EVC: variants seen among roughly 807,000 people sequenced by gnomAD.
EVC encodes the protein evC complex member EVC.
A neutral mutation model predicts 118.9 loss-of-function variants in EVC; 116 were observed. The observed-to-expected ratio is 0.98, with a 90% CI of 0.84 to 1.14. EVC has a LOEUF of 1.14. Ranked by LOEUF, EVC falls within the 50% of genes most tolerant of loss-of-function variation. The pLI is 0.00. For synonymous variants in EVC, 619 were observed against 534.7 expected (o/e 1.16, Z -2.18); for missense variants, 1,401 against 1,246.4 (o/e 1.12, Z -1.87).
At chr4:5,716,712 C>T (rs1308670172) in intron 1 of EVC, among the ~76,000 whole-genome samples, 1 of 152,220 alleles carries the variant, frequency 6.6e-6, no homozygotes, top group Non-Finnish European at 1.5e-5. Flanking sequence ...TACCTTCTTG[C>T]TTATCAAGTT....
chr4:5,723,434 C>T (rs2151875583), intron 2 of EVC, among the ~76,000 whole-genome samples: 1 of 152,230 alleles, frequency 6.6e-6, no homozygotes, highest in South Asian at 2.1e-4. Context: ...CGTGATCTGC[C>T]CGCCTTGGCC....
At chr4:5,781,697 G>C (rs1735622414) in intron 11 of EVC, among the ~76,000 whole-genome samples, 1 of 152,116 alleles carries the variant, frequency 6.6e-6, no homozygotes, top group South Asian at 2.1e-4. Context: ...AAATTAGCCA[G>C]GCATAGTGGC....
chr4:5,742,100 A>G lies in EVC; in HGVS notation c.801+286A>G, dbSNP rs982759458. Among the ~76,000 whole-genome samples the G allele has an allele frequency of 6.6e-6, 1 of 152,202 alleles. No homozygotes were observed. Among genetic ancestry groups the G allele is most frequent in the African/African-American group, 2.4e-5 (1 of 41,460 alleles). On this transcript the variant is annotated intron_variant, in intron 6 of 20. Transcript: ENST00000264956. The surrounding 1 kb of genome is among the most constrained non-coding windows in gnomAD (Gnocchi z 5.2). Reference sequence around the variant, plus strand: ...TCTGCACACATTTGGGATATTTTTAAAGACATAATTTGTTTATTGGTTATA... The same window carrying G: ...TCTGCACACATTTGGGATATTTTTAGAGACATAATTTGTTTATTGGTTATA...
At chr4:5,758,660 G>T (rs1210005241) in intron 11 of EVC, among the ~76,000 whole-genome samples, 1 of 152,122 alleles carries the variant, frequency 6.6e-6, no homozygotes, top group Non-Finnish European at 1.5e-5. Flanking sequence ...ACCTTGGCTG[G>T]TTACATAACC....
At chr4:5,805,724 G>A (rs1376042257) in intron 17 of EVC, among the ~76,000 whole-genome samples, 1 of 152,252 alleles carries the variant, frequency 6.6e-6, no homozygotes, top group Non-Finnish European at 1.5e-5. Flanking sequence ...TCCAAGAGAA[G>A]GAGCCTCAGC....
intron 11 of EVC, among the ~76,000 whole-genome samples, chr4:5,776,549 C>G (rs749912768): frequency 3.3e-5 from 5 of 152,140 alleles, no homozygotes; most frequent in Non-Finnish European, 7.3e-5. Flanking sequence ...TAAATTTCTT[C>G]CATCAGTTTG....
the EVC span, chr4:5,825,738 G>A: frequency 1.2e-5 from 17 of 1,475,346 alleles, no homozygotes; most frequent in South Asian, 6.3e-5. The surrounding 1 kb of genome is among the most constrained non-coding windows in gnomAD (Gnocchi z 4.4). Flanking sequence ...AGAGCCCTGC[G>A]GGCGAGAGAG....
chr4:5,766,400 A>T lies in EVC; in HGVS notation c.1563+10038A>T, dbSNP rs868005956. On this transcript the variant is annotated intron_variant, in intron 11 of 20. Transcript: ENST00000264956. ...ATGTGTCTTGGAGTTGCTCTTCTCG[A>T]GGAGTATCTTGGTGGCGTTCTCTGT... Among the ~76,000 whole-genome samples the T allele has an allele frequency of 1.9e-4, 26 of 133,684 alleles. No homozygotes were observed. In the East Asian group the frequency reaches 2.2e-3, roughly 11 times the overall value. The allele number at this position is 133,684 out of a possible 152,430, so 87.7% of individuals were successfully genotyped here.
chr4:5,794,317 A>G (rs1200043115), intron 13 of EVC, among the ~76,000 whole-genome samples: 3 of 131,910 alleles, frequency 2.3e-5, no homozygotes, highest in African/African-American at 8.8e-5. Flanking sequence ...TTATATATTT[A>G]TATATATTTA....
chr4:5,810,396 G>C lies in EVC; in HGVS notation c.2840G>C (p.Gly947Ala), dbSNP rs765277897. 2 of 1,613,864 alleles carry C rather than the reference G, an allele frequency of 1.2e-6. No individual in the cohort carries two copies. The highest frequency in any genetic ancestry group is 8.5e-7 in the Non-Finnish European group (1 of 1,179,978). Reference protein sequence around the residue: ...KPLPQERGDLGVPNNEDLASG... With the variant: ...KPLPQERGDLAVPNNEDLASG... ...CTGCCCCAGGAAAGAGGGGACCTGG[G>C]GGTGCCCAACAATGAGGACCTTGCC... The change falls in exon 20 of 21, where the codon GGG (glycine) becomes GCG (alanine). Residue 947 changes from glycine (G) to alanine (A), a missense_variant. Gly to Ala is a moderately conservative substitution (Grantham distance 60). Coordinates refer to ENST00000264956, the MANE Select transcript of EVC (RefSeq NM_153717.3).
At chr4:5,747,561 A>G (rs1274862163) in intron 7 of EVC, among the ~76,000 whole-genome samples, 3 of 152,232 alleles carry the variant, frequency 2.0e-5, no homozygotes, top group African/African-American at 7.2e-5. Flanking sequence ...CATTGTCCTT[A>G]GAGCTCTGAC....
Position 5,749,276 on chromosome 4 carries a change from GGAA to G in EVC, c.1098+980_1098+982del, listed in dbSNP as rs1373337814. Among the ~76,000 whole-genome samples the G allele has an allele frequency of 6.0e-5, 9 of 149,270 alleles. No homozygotes were observed. Among genetic ancestry groups the G allele is most frequent in the Admixed American group, 2.0e-4 (3 of 14,946 alleles). ...CCTTTTGGCTTCCCTGGGCCACATT[GGAA>G]GAAGAAGAATTGTCTTAGGCCACAC... On this transcript the variant is annotated intron_variant, in intron 8 of 20. Transcript: ENST00000264956. This position sits in a 1 kb window ranked among gnomAD's most constrained non-coding sequence, Gnocchi z 4.4.
intron 17 of EVC, among the ~76,000 whole-genome samples, chr4:5,807,649 G>T (rs1716137380): frequency 7.1e-6 from 1 of 140,840 alleles, no homozygotes; most frequent in African/African-American, 2.7e-5. Flanking sequence ...CCCTCTCTGA[G>T]AGTAACAGGC....
chr4:5,711,491 GCTCGGCCTCGGC>G lies in EVC; in HGVS notation c.120_131del (p.Gly41_Leu44del), dbSNP rs1164121689. 1 of 1,124,430 alleles carries G rather than the reference GCTCGGCCTCGGC, an allele frequency of 8.9e-7. No homozygotes were observed. Among genetic ancestry groups the G allele is most frequent in the Non-Finnish European group, 1.1e-6 (1 of 920,832 alleles). 69.7% of individuals were successfully genotyped at this position (1,124,430 alleles called of 1,614,324 possible). A position where few individuals can be genotyped will look rare whatever the true frequency, so the allele number is the denominator to read the frequency against. On this transcript the variant is annotated inframe_deletion, in exon 1 of 21. Transcript: ENST00000264956. ...CCCCCGCCGTGCTGCTGGGCGCCGC[GCTCGGCCTCGGC>G]CTCGGCCTTTGGCTTGGCTGCCGCG... is the stretch of plus-strand genomic sequence containing the variant.
In EVC at chr4:5,810,393, T is replaced by TG. The variant is rs1553896459; in HGVS notation, c.2842dup (p.Val948GlyfsTer5). ...CCCCTGCCCCAGGAAAGAGGGGACC[T>TG]GGGGGTGCCCAACAATGAGGACCTT... On this transcript the variant is annotated frameshift_variant, in exon 20 of 21. Transcript: ENST00000264956. LOFTEE classifies it high-confidence loss of function. 1.9e-6 allele frequency: 3 copies of TG among 1,613,796 alleles called. No homozygotes were observed. Among genetic ancestry groups the TG allele is most frequent in the Admixed American group, 3.3e-5 (2 of 59,982 alleles).
chr4:5,822,422 T>C, the EVC span, among the ~76,000 whole-genome samples: 1 of 151,348 alleles, frequency 6.6e-6, no homozygotes, highest in African/African-American at 2.4e-5. Flanking sequence ...TGCATGTGCA[T>C]ATGTGTGTGC....
Position 5,711,449 on chromosome 4 carries a change from G to A in EVC, c.69G>A (p.Pro23=), listed in dbSNP as rs1722996127. ...RLLLGRDALR[P]APALLAPAVL... ...TGCTGGGGCGGGACGCGCTGCGGCC[G>A]GCGCCCGCCCTGCTGGCCCCCGCCG... The change falls in exon 1 of 21, where the codon CCG becomes CCA. Residue 23 remains proline (P), a synonymous_variant. Coordinates refer to ENST00000264956, the MANE Select transcript of EVC (RefSeq NM_153717.3). The A allele has an allele frequency of 9.7e-7, 1 of 1,027,962 alleles. No individual in the cohort carries two copies. Among genetic ancestry groups the A allele is most frequent in the South Asian group, 4.3e-5 (1 of 22,992 alleles). The allele number at this position is 1,027,962 out of a possible 1,614,324, so 63.7% of individuals were successfully genotyped here. A position where few individuals can be genotyped will look rare whatever the true frequency, so the allele number is the denominator to read the frequency against.
chr4:5,748,895 T>C (rs543659335), intron 8 of EVC, among the ~76,000 whole-genome samples: 149 of 96,070 alleles, frequency 1.6e-3, no homozygotes, highest in Admixed American at 3.9e-3. Context: ...ATTGAAATTA[T>C]CTGGGAGCTT....
At chr4:5,772,369 CAA>C (rs36007107) in intron 11 of EVC, among the ~76,000 whole-genome samples, 56,087 of 151,760 alleles carry the variant, frequency 0.37, 10,612 homozygotes, top group Admixed American at 0.47. Context: ...GTTCAAGAAG[CAA>C]ACAGACCAGG....
Sources: gnomAD v4.1 joint callset for allele counts (sites outside exome capture counted in the v4.1 genomes callset) on GRCh38, gnomAD v4.1.1 for gene constraint, Gnocchi (gnomAD v3.1) non-coding constraint, MANE v1.5 for transcripts, NCBI Gene and HGNC (gene_info 2026-07-23, HGNC 2026-07-21) for gene names.